Variants in ANO4 observed in about 807,000 individuals in gnomAD.
ANO4 encodes anoctamin 4.
ANO4 carries 69 observed loss-of-function variants against 141.9 expected under a neutral mutation model. That is an observed-to-expected ratio of 0.49 (90% CI 0.40 to 0.59). The LOEUF (loss-of-function observed/expected upper bound fraction) is 0.59. Among genes scored for constraint, ANO4 ranks in the 20% least tolerant of loss-of-function variants. The pLI, the probability that ANO4 is intolerant of heterozygous loss-of-function variation, is 0.00. For synonymous variants in ANO4, 350 were observed against 394.3 expected, an observed-to-expected ratio of 0.89 and a Z score of 1.33; for missense variants, 894 against 1,162.2, an observed-to-expected ratio of 0.77 and a Z score of 3.36.
intron 3 of ANO4, among the ~76,000 whole-genome samples, chr12:100,777,140 T>C (rs1178965799): frequency 6.7e-6 from 1 of 149,508 alleles, no homozygotes; most frequent in Non-Finnish European, 1.5e-5. Flanking sequence ...TCACCCAGGC[T>C]GGAGTGCAGT....
intron 22 of ANO4, among the ~76,000 whole-genome samples, chr12:101,101,925 G>A (rs558457193): frequency 3.9e-5 from 6 of 152,144 alleles, no homozygotes; most frequent in Non-Finnish European, 8.8e-5. Context: ...TGTACTGAAA[G>A]ATACAAAAAT....
At chr12:100,722,612 A>G (rs1565838418) in intron 1 of ANO4, among the ~76,000 whole-genome samples, 1 of 152,032 alleles carries the variant, frequency 6.6e-6, no homozygotes, top group Admixed American at 6.6e-5. Flanking sequence ...TTTCCATAGC[A>G]GGTTCTAATT....
chr12:100,973,182 G>A (rs1168383393), intron 6 of ANO4, among the ~76,000 whole-genome samples: 2 of 152,144 alleles, frequency 1.3e-5, no homozygotes, highest in Non-Finnish European at 2.9e-5. Flanking sequence ...ACTAAACATG[G>A]CTTCACTTGT....
intron 9 of ANO4, among the ~76,000 whole-genome samples, chr12:101,035,660 G>A (rs116902845): frequency 1.3e-5 from 2 of 152,156 alleles, no homozygotes; most frequent in African/African-American, 2.4e-5. Flanking sequence ...CATTAGGTTT[G>A]TCCATAATGA....
intron 14 of ANO4, among the ~76,000 whole-genome samples, chr12:101,077,050 G>T (rs780761814): frequency 3.3e-5 from 5 of 152,250 alleles, no homozygotes; most frequent in African/African-American, 1.2e-4. Context: ...AGGGTAACTC[G>T]TGATGCATAA....
chr12:100,865,013 T>G (rs1441053493), intron 1 of ANO4, among the ~76,000 whole-genome samples: 2 of 152,332 alleles, frequency 1.3e-5, no homozygotes, highest in East Asian at 3.9e-4. Context: ...TGCCACATTT[T>G]CTTTATCCAG....
chr12:100,809,386 C>CA (rs113154732), intron 1 of ANO4, among the ~76,000 whole-genome samples: 60,646 of 137,222 alleles, frequency 0.44, 12,989 homozygotes, highest in Middle Eastern at 0.58. Context: ...GATTCTGTCT[C>CA]AAAAAAAAAA....
intron 1 of ANO4, among the ~76,000 whole-genome samples, chr12:100,835,339 A>C (rs1593466145): frequency 6.6e-6 from 1 of 152,228 alleles, no homozygotes; most frequent in East Asian, 1.9e-4. Context: ...ATAATGTGTG[A>C]GAAGGAGCAG....
chr12:100,785,445 T>C (rs2033843004), intron 3 of ANO4, among the ~76,000 whole-genome samples: 1 of 152,226 alleles, frequency 6.6e-6, no homozygotes, highest in Non-Finnish European at 1.5e-5. Context: ...ATATTTTTAC[T>C]GTTTTCCTAG....
At chr12:100,785,365 C>T (rs2033840216) in intron 3 of ANO4, among the ~76,000 whole-genome samples, 1 of 152,134 alleles carries the variant, frequency 6.6e-6, no homozygotes, top group Non-Finnish European at 1.5e-5. Flanking sequence ...AGAGTAGTTT[C>T]ACTGCCCTAA....
At chr12:101,116,938 G>A (rs2050878837) in intron 25 of ANO4, 140 bp downstream of exon 25, 1 of 1,208,286 alleles carries the variant, frequency 8.3e-7, no homozygotes, top group African/African-American at 1.5e-5. Flanking sequence ...AGCACATGAA[G>A]AATTTTCAAG....
intron 17 of ANO4, among the ~76,000 whole-genome samples, chr12:101,089,869 A>G (rs1452862063): frequency 1.3e-5 from 2 of 152,254 alleles, no homozygotes; most frequent in African/African-American, 4.8e-5. Context: ...GCTAATATCC[A>G]GAATCTACAA....
intron 1 of ANO4, among the ~76,000 whole-genome samples, chr12:100,868,259 C>A (rs941167671): frequency 6.6e-6 from 1 of 152,162 alleles, no homozygotes. Context: ...CTCAAAGACA[C>A]CCAGCCACTT....
chr12:100,753,274 G>T (rs921706971), intron 3 of ANO4, among the ~76,000 whole-genome samples: 4 of 152,192 alleles, frequency 2.6e-5, no homozygotes, highest in African/African-American at 4.8e-5. Context: ...ATGATGAAAG[G>T]CTGTGGAATT....
At chr12:100,785,845 A>G (rs971887170) in intron 3 of ANO4, among the ~76,000 whole-genome samples, 5 of 152,156 alleles carry the variant, frequency 3.3e-5, no homozygotes, top group African/African-American at 1.2e-4. Flanking sequence ...TGGCTGTACC[A>G]TTTTGCATTC....
At chr12:100,810,635 A>G (rs1418119336) in intron 1 of ANO4, among the ~76,000 whole-genome samples, 3 of 152,172 alleles carry the variant, frequency 2.0e-5, no homozygotes, top group Non-Finnish European at 2.9e-5. Context: ...AGAACTATGG[A>G]TCTGTCTTGA....
intron 1 of ANO4, among the ~76,000 whole-genome samples, chr12:100,815,552 C>T (rs973302860): frequency 2.0e-4 from 30 of 151,642 alleles, no homozygotes; most frequent in Non-Finnish European, 3.7e-4. Context: ...CATTTACTTT[C>T]TTATTTGGAT....
intron 1 of ANO4, among the ~76,000 whole-genome samples, chr12:100,825,243 A>G (rs1488750670): frequency 1.3e-5 from 2 of 152,032 alleles, no homozygotes; most frequent in Non-Finnish European, 2.9e-5. Flanking sequence ...CTTGAAGTCA[A>G]ACATTTAGGA....
intron 4 of ANO4, 124 bp downstream of exon 4, chr12:100,939,575 C>G: frequency 9.2e-7 from 1 of 1,085,826 alleles, no homozygotes; most frequent in Non-Finnish European, 1.2e-6. Flanking sequence ...AAACAAGGGA[C>G]AGGTTTTATA....
Sources: allele counts gnomAD v4.1 joint callset (sites outside exome capture counted in the v4.1 genomes callset), GRCh38; gene constraint gnomAD v4.1.1; transcripts MANE v1.5; gene names NCBI Gene and HGNC (gene_info 2026-07-23, HGNC 2026-07-21).